NUP210: variants seen among roughly 807,000 people sequenced by gnomAD.
The protein encoded by NUP210 is nucleoporin 210.
A neutral mutation model predicts 196.0 loss-of-function variants in NUP210; 151 were observed. The observed-to-expected ratio is 0.77, with a 90% CI of 0.67 to 0.88. NUP210 has a LOEUF of 0.88. Ranked by LOEUF, NUP210 falls within the 40% of genes least tolerant of loss-of-function variation. The probability of loss-of-function intolerance (pLI) is 0.00; values close to 1 mark genes in which losing one functional copy is unlikely to be tolerated. For missense variants in NUP210, 2,314 were observed against 2,493.7 expected (o/e 0.93, Z 1.53); for synonymous variants, 1,070 against 1,052.7 (o/e 1.02, Z -0.32).
Position 13,348,210 on chromosome 3 carries a change from T to C in NUP210, c.2835+3669A>G, listed in dbSNP as rs1697827317. The C allele has an allele frequency of 5.4e-6, 1 of 185,846 alleles. No individual in the cohort carries two copies. The highest frequency in any genetic ancestry group is 1.0e-5 in the Non-Finnish European group (1 of 98,840). The allele number at this position is 185,846 out of a possible 1,614,324, so 11.5% of individuals were successfully genotyped here. On this transcript the variant is annotated intron_variant, in intron 20 of 39. Coordinates refer to ENST00000254508, the MANE Select transcript of NUP210 (RefSeq NM_024923.4). The surrounding 1 kb of genome is among the most constrained non-coding windows in gnomAD (Gnocchi z 4.0). ...GGGTTTAAAGGTCTCCTGGGGAAAC[T>C]TGACTCCCATGCTGGAATCCCACCT...
At chr3:13,391,731 G>A (rs1257351026) in intron 3 of NUP210, among the ~76,000 whole-genome samples, 1 of 150,800 alleles carries the variant, frequency 6.6e-6, no homozygotes, top group Non-Finnish European at 1.5e-5. Flanking sequence ...TCCCTGTGCA[G>A]GGGAGGGGAC....
chr3:13,343,454 G>GCTTCCCAGTGCT, intron 20 of NUP210, 151 bp from the exon 21 acceptor site: 1 of 986,800 alleles, frequency 1.0e-6, no homozygotes, highest in Non-Finnish European at 1.5e-6. Flanking sequence ...GGCCAGCACT[G>GCTTCCCAGTGCT]GGAAGCAGTG....
chr3:13,373,738 G>A lies in NUP210; in HGVS notation c.1567C>T (p.Leu523Phe), dbSNP rs1285234666. The A allele has an allele frequency of 6.2e-7, 1 of 1,614,188 alleles. No homozygotes were observed. Among genetic ancestry groups the A allele is most frequent in the Non-Finnish European group, 8.5e-7 (1 of 1,180,028 alleles). ...VIQAHDVQNPLHFGEMKVYVI... is the reference protein window; with the variant it reads ...VIQAHDVQNPFHFGEMKVYVI... ...CTCACCTTCATCTCACCGAAATGGAGTGGGTTCTGCACATCATGTGCCTGG... is the reference window on the plus strand; with the variant it reads ...CTCACCTTCATCTCACCGAAATGGAATGGGTTCTGCACATCATGTGCCTGG... Residue 523 changes from leucine to phenylalanine, a missense_variant, in exon 12 of 40, where the codon CTC (leucine) becomes TTC (phenylalanine). Physicochemically the swap from Leu to Phe is conservative, Grantham distance 22. Transcript: ENST00000254508.
intron 3 of NUP210, among the ~76,000 whole-genome samples, chr3:13,395,171 T>C (rs1699611827): frequency 6.6e-6 from 1 of 152,152 alleles, no homozygotes; most frequent in South Asian, 2.1e-4. Context: ...AACAGTGGCC[T>C]GGGAAGGCTG....
intron 6 of NUP210, among the ~76,000 whole-genome samples, chr3:13,383,461 C>G (rs931638951): frequency 2.0e-5 from 3 of 147,368 alleles, no homozygotes; most frequent in African/African-American, 7.6e-5. Flanking sequence ...TTCTAGGTAC[C>G]TTGGGAGGTG....
chr3:13,410,182 TTTTC>T (rs1700121792), intron 1 of NUP210, among the ~76,000 whole-genome samples: 1 of 145,094 alleles, frequency 6.9e-6, no homozygotes, highest in African/African-American at 2.6e-5. Context: ...TTTTTTTCCT[TTTTC>T]TTTTTCTTTT....
intron 1 of NUP210, among the ~76,000 whole-genome samples, chr3:13,410,202 CAG>C (rs1345395408): frequency 2.1e-5 from 3 of 143,126 alleles, no homozygotes; most frequent in Non-Finnish European, 4.6e-5. Flanking sequence ...CTTTTTGAGA[CAG>C]AGTTTCACTC....
At position 13,340,332 on chromosome 3, in the gene NUP210, T is replaced by C. The variant is rs375259156; in HGVS notation, c.3229-34A>G. ...AGACACAGGAGAGAAAGGACTACTG[T>C]GCCCCAAGCCCATGGCGCCAAGCAT... On this transcript the variant is annotated intron_variant, in intron 23 of 39. Transcript: ENST00000254508. This position sits in a 1 kb window ranked among gnomAD's most constrained non-coding sequence, Gnocchi z 4.0. 1 of 1,599,190 alleles carries C rather than the reference T, an allele frequency of 6.3e-7. No individual in the cohort carries two copies. The highest frequency in any genetic ancestry group is 8.6e-7 in the Non-Finnish European group (1 of 1,167,522).
In NUP210 at chr3:13,414,275, C is replaced by T. The variant is rs188748912; in HGVS notation, c.167+5785G>A. On this transcript the variant is annotated intron_variant, in intron 1 of 39. Transcript: ENST00000254508. Reference sequence around the variant, plus strand: ...GGCAGTGTCTACAGAGCGGAAGCCACCTCGTGGGGCTGACAGAGCTCAGGC... The same window carrying T: ...GGCAGTGTCTACAGAGCGGAAGCCATCTCGTGGGGCTGACAGAGCTCAGGC... 3.9e-3 allele frequency among the ~76,000 whole-genome samples: 599 copies of T among 152,392 alleles called. 5 individuals are homozygous for T. Among genetic ancestry groups the T allele is most frequent in the African/African-American group, 0.014 (584 of 41,594 alleles).
intron 21 of NUP210, among the ~76,000 whole-genome samples, chr3:13,342,502 G>A (rs960633998): frequency 3.9e-5 from 6 of 152,174 alleles, no homozygotes; most frequent in African/African-American, 1.2e-4. Flanking sequence ...AATACACAGC[G>A]AAGAAACAGA....
At chr3:13,400,702 C>T (rs1400537631) in intron 1 of NUP210, among the ~76,000 whole-genome samples, 3 of 152,114 alleles carry the variant, frequency 2.0e-5, no homozygotes, top group Non-Finnish European at 4.4e-5. Context: ...AGAATGCCAC[C>T]AGGATCTGGG....
chr3:13,359,483 G>A (rs561321296), intron 15 of NUP210, among the ~76,000 whole-genome samples: 102 of 152,266 alleles, frequency 6.7e-4, no homozygotes, highest in African/African-American at 2.3e-3. Flanking sequence ...GATACCATAA[G>A]GGCACCGTGG....
chr3:13,398,344 G>C (rs545519209), intron 2 of NUP210, among the ~76,000 whole-genome samples: 1 of 152,254 alleles, frequency 6.6e-6, no homozygotes, highest in South Asian at 2.1e-4. Context: ...TTGGGAGGCT[G>C]AGGCAGAAGA....
intron 16 of NUP210, among the ~76,000 whole-genome samples, chr3:13,357,258 T>C (rs1698199563): frequency 6.6e-6 from 1 of 152,192 alleles, no homozygotes; most frequent in African/African-American, 2.4e-5. Flanking sequence ...ATCAATGGAG[T>C]GAGTTCCACA....
At position 13,348,840 on chromosome 3, in the gene NUP210, A is replaced by G; in HGVS notation, c.2835+3039T>C. The G allele has an allele frequency of 5.1e-6, 5 of 985,448 alleles. No homozygotes were observed. Among genetic ancestry groups the G allele is most frequent in the Non-Finnish European group, 6.0e-6 (5 of 829,936 alleles). The allele number at this position is 985,448 out of a possible 1,614,324, so 61.0% of individuals were successfully genotyped here. A position where few individuals can be genotyped will look rare whatever the true frequency, so the allele number is the denominator to read the frequency against. Reference sequence around the variant, plus strand: ...CTTTGCAAGACAGCTGGAGACCAACATCAAACGCTGAAGGAAGGTTTTCGA... The same window carrying G: ...CTTTGCAAGACAGCTGGAGACCAACGTCAAACGCTGAAGGAAGGTTTTCGA... On this transcript the variant is annotated intron_variant, in intron 20 of 39. Transcript: ENST00000254508. The surrounding 1 kb of genome is among the most constrained non-coding windows in gnomAD (Gnocchi z 4.0).
chr3:13,330,710 T>G, intron 29 of NUP210, 76 bp from the exon 30 acceptor site: 1 of 1,395,218 alleles, frequency 7.2e-7, no homozygotes, highest in South Asian at 1.3e-5. Flanking sequence ...CCAGGAGATC[T>G]AAGAGTCTGT....
In NUP210 at chr3:13,376,300, C is replaced by T. The variant is rs1487309846; in HGVS notation, c.1284G>A (p.Val428=). The T allele has an allele frequency of 6.2e-7, 1 of 1,613,684 alleles. No individual in the cohort carries two copies. Among genetic ancestry groups the T allele is most frequent in the South Asian group, 1.1e-5 (1 of 91,050 alleles). ...QTAIDAALTS[V]VDQDGGVHIL... is the part of the protein sequence containing the mutation. Reference sequence around the variant, plus strand: ...GGAGACACCAACTTGCCTGGTCCACCACAGAGGTGAGGGCCGCGTCAATGG... The same window carrying T: ...GGAGACACCAACTTGCCTGGTCCACTACAGAGGTGAGGGCCGCGTCAATGG... The change falls in exon 10 of 40, where the codon GTG becomes GTA. Residue 428 remains valine, a synonymous_variant. Transcript: ENST00000254508.
At position 13,386,418 on chromosome 3, in the gene NUP210, A is replaced by G; in HGVS notation, c.685-11T>C. 6.2e-7 allele frequency: 1 copy of G among 1,613,964 alleles called. No homozygotes were observed. The highest frequency in any genetic ancestry group is 8.5e-7 in the Non-Finnish European group (1 of 1,179,966). On this transcript the variant is annotated splice_polypyrimidine_tract_variant and intron_variant, in intron 5 of 39. Transcript: ENST00000254508. ...TGCAGGGCGTACATTCTTGGCATAAAGAAAAGGCAGACAAAGTGAGGTGCG... is the reference window on the plus strand; with the variant it reads ...TGCAGGGCGTACATTCTTGGCATAAGGAAAAGGCAGACAAAGTGAGGTGCG...
intron 25 of NUP210, among the ~76,000 whole-genome samples, 154 bp downstream of exon 25, chr3:13,339,700 C>T (rs1697380259): frequency 6.6e-6 from 1 of 152,224 alleles, no homozygotes; most frequent in Non-Finnish European, 1.5e-5. Flanking sequence ...ATTGGCAGGG[C>T]TGTCCTGCAC....
Sources: allele counts gnomAD v4.1 joint callset (sites outside exome capture counted in the v4.1 genomes callset), GRCh38; gene constraint gnomAD v4.1.1; non-coding constraint Gnocchi (gnomAD v3.1); transcripts MANE v1.5; gene names NCBI Gene and HGNC (gene_info 2026-07-23, HGNC 2026-07-21).